RALYL: variants seen among roughly 807,000 people sequenced by gnomAD.
RALYL encodes RALY RNA binding protein like, also known as RNA-binding Raly-like protein.
A neutral mutation model predicts 35.1 loss-of-function variants in RALYL; 29 were observed. The observed-to-expected ratio is 0.83, with a 90% CI of 0.61 to 1.13. RALYL has a LOEUF of 1.13. RALYL is among the 50% of genes most tolerant of loss of function. The pLI is 0.00. For missense variants in RALYL, 359 were observed against 360.4 expected (o/e 1.00, Z 0.03); for synonymous variants, 120 against 127.6 (o/e 0.94, Z 0.40).
intron 1 of RALYL, among the ~76,000 whole-genome samples, chr8:84,467,845 T>C (rs943980511): frequency 7.2e-6 from 1 of 138,650 alleles, no homozygotes; most frequent in Non-Finnish European, 1.6e-5. Flanking sequence ...GGTGCATATA[T>C]ATTTAGGATA....
At chr8:84,793,327 G>C (rs1367062270) in intron 3 of RALYL, among the ~76,000 whole-genome samples, 2 of 152,184 alleles carry the variant, frequency 1.3e-5, no homozygotes, top group Non-Finnish European at 2.9e-5. Flanking sequence ...AGGTAGTTAG[G>C]CTGGGTGGTA....
chr8:84,637,317 A>G (rs1231821883), intron 2 of RALYL, among the ~76,000 whole-genome samples: 1 of 151,862 alleles, frequency 6.6e-6, no homozygotes, highest in Non-Finnish European at 1.5e-5. Context: ...ATTTGAAACT[A>G]TTGCAGTTGT....
intron 2 of RALYL, among the ~76,000 whole-genome samples, chr8:84,754,902 TC>T (rs1811016340): frequency 1.3e-5 from 2 of 152,208 alleles, no homozygotes; most frequent in Admixed American, 6.5e-5. Context: ...ATTTAATTCC[TC>T]CCCAAACCAC....
At chr8:84,271,588 C>T (rs1834318620) in intron 1 of RALYL, among the ~76,000 whole-genome samples, 1 of 151,146 alleles carries the variant, frequency 6.6e-6, no homozygotes, top group Non-Finnish European at 1.5e-5. Flanking sequence ...TTGAATAAAC[C>T]TAAATGACCA....
chr8:84,781,625 T>TA (rs1706991878), intron 3 of RALYL, among the ~76,000 whole-genome samples: 1 of 152,130 alleles, frequency 6.6e-6, no homozygotes, highest in Admixed American at 6.6e-5. Context: ...TAGTTTATGA[T>TA]AAAAATCAAA....
At chr8:84,820,572 C>T (rs1044015698) in intron 4 of RALYL, among the ~76,000 whole-genome samples, 7 of 152,034 alleles carry the variant, frequency 4.6e-5, no homozygotes, top group South Asian at 2.1e-4. Flanking sequence ...TTCTGGGACA[C>T]GTGTGCTGAA....
chr8:84,364,404 A>G (rs901503417), intron 1 of RALYL, among the ~76,000 whole-genome samples: 20 of 152,172 alleles, frequency 1.3e-4, no homozygotes, highest in African/African-American at 4.8e-4. Context: ...AAAACATTTT[A>G]ATATTTCAAT....
intron 2 of RALYL, among the ~76,000 whole-genome samples, chr8:84,633,394 T>C (rs1162430902): frequency 6.6e-6 from 1 of 151,862 alleles, no homozygotes; most frequent in Non-Finnish European, 1.5e-5. Flanking sequence ...AAAAAAATTT[T>C]TAGCTGCACA....
At chr8:84,511,156 G>A (rs1303762287) in intron 1 of RALYL, among the ~76,000 whole-genome samples, 1 of 151,990 alleles carries the variant, frequency 6.6e-6, no homozygotes. Flanking sequence ...TCTGCTTTCA[G>A]GCATCAATTT....
At chr8:84,774,679 T>C (rs1446524209) in intron 3 of RALYL, 25 bp downstream of exon 3, 49 of 1,509,624 alleles carry the variant, frequency 3.2e-5, no homozygotes, top group Non-Finnish European at 4.4e-5. Flanking sequence ...ACTGTTTTAC[T>C]CTATATATTA....
intron 1 of RALYL, among the ~76,000 whole-genome samples, chr8:84,463,654 T>A (rs909540058): frequency 2.0e-5 from 3 of 152,108 alleles, no homozygotes; most frequent in Admixed American, 2.0e-4. Flanking sequence ...TGTTTATTCC[T>A]CTGTAAAATA....
intron 1 of RALYL, among the ~76,000 whole-genome samples, chr8:84,471,102 G>A (rs1344375375): frequency 2.6e-5 from 4 of 152,098 alleles, no homozygotes; most frequent in South Asian, 2.1e-4. Context: ...AGAGTTTATC[G>A]AAAGAATGAC....
chr8:84,477,565 A>G (rs1298037549), intron 1 of RALYL, among the ~76,000 whole-genome samples: 2 of 150,224 alleles, frequency 1.3e-5, no homozygotes, highest in African/African-American at 4.9e-5. Context: ...TAAAAATACG[A>G]TATATATTTT....
At chr8:84,424,075 T>A (rs1236281640) in intron 1 of RALYL, among the ~76,000 whole-genome samples, 3 of 152,066 alleles carry the variant, frequency 2.0e-5, no homozygotes, top group Admixed American at 2.0e-4. Context: ...TCTCTCTATT[T>A]CCTGAATCTG....
intron 3 of RALYL, among the ~76,000 whole-genome samples, chr8:84,793,546 G>A (rs1821276783): frequency 6.6e-6 from 1 of 152,122 alleles, no homozygotes; most frequent in African/African-American, 2.4e-5. Context: ...TTCCAGGAGG[G>A]GATGTAGAAT....
chr8:84,698,819 A>G (rs183360023), intron 2 of RALYL, among the ~76,000 whole-genome samples: 78 of 152,246 alleles, frequency 5.1e-4, no homozygotes, highest in Admixed American at 1.2e-3. Flanking sequence ...GCCTTCCTCT[A>G]CTTCACGTGC....
intron 1 of RALYL, among the ~76,000 whole-genome samples, chr8:84,413,013 A>G (rs1386876700): frequency 6.6e-6 from 1 of 151,804 alleles, no homozygotes; most frequent in Non-Finnish European, 1.5e-5. Context: ...ACAGAGAAGA[A>G]GAAAAAAGAA....
At chr8:84,549,138 C>A (rs2060552360) in intron 2 of RALYL, among the ~76,000 whole-genome samples, 1 of 152,124 alleles carries the variant, frequency 6.6e-6, no homozygotes, top group South Asian at 2.1e-4. Flanking sequence ...CTATGTAGAC[C>A]TTGCAGCGGG....
intron 1 of RALYL, among the ~76,000 whole-genome samples, chr8:84,390,057 C>T (rs868365070): frequency 5.3e-5 from 8 of 152,004 alleles, no homozygotes; most frequent in African/African-American, 1.9e-4. Flanking sequence ...GCATGAAGGG[C>T]TGTTGAATTT....
Sources: allele counts gnomAD v4.1 joint callset (sites outside exome capture counted in the v4.1 genomes callset), GRCh38; gene constraint gnomAD v4.1.1; transcripts MANE v1.5; gene names NCBI Gene and HGNC (gene_info 2026-07-23, HGNC 2026-07-21).